Variants in KCNH8 observed in about 807,000 individuals in gnomAD.
The protein encoded by KCNH8 is potassium voltage-gated channel subfamily H member 8.
Under a neutral mutation model 103.6 loss-of-function variants are expected in KCNH8, and 70 were observed. The observed-to-expected ratio is 0.68, with a 90% CI of 0.56 to 0.82. The LOEUF (loss-of-function observed/expected upper bound fraction) is 0.82. Among genes scored for constraint, KCNH8 ranks in the 40% least tolerant of loss-of-function variants. The pLI, the probability that KCNH8 is intolerant of heterozygous loss-of-function variation, is 0.00. For missense variants in KCNH8, 1,217 were observed against 1,329.9 expected (o/e 0.92, Z 1.32); for synonymous variants, 498 against 489.4 (o/e 1.02, Z -0.23).
At chr3:19,350,853 G>T (rs2065791412) in intron 5 of KCNH8, among the ~76,000 whole-genome samples, 1 of 152,118 alleles carries the variant, frequency 6.6e-6, no homozygotes, top group African/African-American at 2.4e-5. Context: ...CTCCTTGCCA[G>T]CAACGGAACA....
intron 5 of KCNH8, 107 bp downstream of exon 5, chr3:19,348,072 A>T: frequency 1.1e-5 from 15 of 1,373,666 alleles, no homozygotes; most frequent in Non-Finnish European, 1.5e-5. Flanking sequence ...CATGGGCTTG[A>T]TTCAGCCTCT....
chr3:19,192,324 G>T (rs940364228), intron 1 of KCNH8, among the ~76,000 whole-genome samples: 1 of 151,456 alleles, frequency 6.6e-6, no homozygotes, highest in African/African-American at 2.4e-5. Flanking sequence ...CATTTTTTGA[G>T]GTAGCAAACA....
At chr3:19,419,862 C>T (rs1357191249) in intron 7 of KCNH8, among the ~76,000 whole-genome samples, 1 of 152,080 alleles carries the variant, frequency 6.6e-6, no homozygotes, top group East Asian at 1.9e-4. Context: ...ATTTAGCTTT[C>T]TGTAGCTTTC....
intron 5 of KCNH8, among the ~76,000 whole-genome samples, chr3:19,374,993 T>G (rs2066169067): frequency 6.6e-6 from 1 of 152,014 alleles, no homozygotes; most frequent in Non-Finnish European, 1.5e-5. Flanking sequence ...TCTGATGGGC[T>G]TCCCTTTGAG....
intron 3 of KCNH8, among the ~76,000 whole-genome samples, chr3:19,293,681 A>T (rs191128400): frequency 6.6e-6 from 1 of 152,222 alleles, no homozygotes; most frequent in Non-Finnish European, 1.5e-5. Flanking sequence ...TATAGCATGT[A>T]TGCCTATCTG....
intron 1 of KCNH8, among the ~76,000 whole-genome samples, chr3:19,183,312 A>G (rs1325590879): frequency 6.6e-6 from 1 of 152,214 alleles, no homozygotes; most frequent in Non-Finnish European, 1.5e-5. Context: ...ACAAAAAAAC[A>G]CACTAAAGAT....
chr3:19,533,386 T>C lies in KCNH8; in HGVS notation c.2620-9T>C. The C allele has an allele frequency of 6.3e-7, 1 of 1,591,704 alleles. No individual in the cohort carries two copies. The highest frequency in any genetic ancestry group is 8.6e-7 in the Non-Finnish European group (1 of 1,159,590). On this transcript the variant is annotated splice_polypyrimidine_tract_variant and intron_variant, in intron 15 of 15. Transcript: ENST00000328405. The stretch of plus-strand genomic sequence containing the variant: ...AACTATTGTCTTTCACTTTGCTCTA[T>C]CCACATAGGTAACAACATTGACTCA...
chr3:19,228,052 G>A (rs772391471), intron 1 of KCNH8, among the ~76,000 whole-genome samples: 2 of 152,050 alleles, frequency 1.3e-5, no homozygotes, highest in Non-Finnish European at 1.5e-5. Context: ...GTTCAGGATC[G>A]CATGACCACA....
chr3:19,194,408 C>T (rs1399970537), intron 1 of KCNH8, among the ~76,000 whole-genome samples: 2 of 151,664 alleles, frequency 1.3e-5, no homozygotes, highest in East Asian at 3.9e-4. Context: ...AATTATTTAT[C>T]CAATTTTTAA....
chr3:19,290,719 G>A (rs1474430625), intron 3 of KCNH8, among the ~76,000 whole-genome samples: 2 of 152,056 alleles, frequency 1.3e-5, no homozygotes, highest in Non-Finnish European at 2.9e-5. Context: ...TTTTTTGGTT[G>A]TTTCTCTGCC....
intron 3 of KCNH8, among the ~76,000 whole-genome samples, chr3:19,314,676 T>C (rs918500531): frequency 2.0e-5 from 3 of 152,036 alleles, no homozygotes; most frequent in African/African-American, 4.8e-5. Context: ...CAAATGCATG[T>C]GGCTATGTTC....
At chr3:19,516,972 A>G (rs1334814955) in intron 14 of KCNH8, among the ~76,000 whole-genome samples, 7 of 151,864 alleles carry the variant, frequency 4.6e-5, no homozygotes, top group East Asian at 1.9e-4. Context: ...ATTACTTTAT[A>G]TAAGTTATTT....
At chr3:19,209,843 G>T (rs1454199217) in intron 1 of KCNH8, among the ~76,000 whole-genome samples, 2 of 152,084 alleles carry the variant, frequency 1.3e-5, no homozygotes, top group South Asian at 2.1e-4. Context: ...TCCTGGGAGA[G>T]TTATAGGTAC....
At chr3:19,197,516 T>C (rs2063614032) in intron 1 of KCNH8, among the ~76,000 whole-genome samples, 1 of 152,070 alleles carries the variant, frequency 6.6e-6, no homozygotes, top group South Asian at 2.1e-4. Flanking sequence ...CTTTGGGGTA[T>C]GTAAGCATTT....
chr3:19,420,187 G>T (rs547842901), intron 7 of KCNH8, among the ~76,000 whole-genome samples: 2 of 152,122 alleles, frequency 1.3e-5, no homozygotes, highest in African/African-American at 4.8e-5. Flanking sequence ...TCATTGCTAC[G>T]GCTGCCACTG....
chr3:19,486,916 T>C (rs553197232), intron 11 of KCNH8, among the ~76,000 whole-genome samples: 17 of 152,296 alleles, frequency 1.1e-4, no homozygotes, highest in Admixed American at 5.9e-4. Context: ...CCAGGTAGCA[T>C]ACCTGCTGTC....
At chr3:19,424,687 TCTAA>T (rs2067001001) in intron 7 of KCNH8, among the ~76,000 whole-genome samples, 1 of 151,914 alleles carries the variant, frequency 6.6e-6, no homozygotes, top group Non-Finnish European at 1.5e-5. Context: ...GAAAACATTC[TCTAA>T]CTATGCATCT....
chr3:19,276,429 T>A (rs1237943305), intron 2 of KCNH8, among the ~76,000 whole-genome samples: 2 of 152,084 alleles, frequency 1.3e-5, no homozygotes, highest in African/African-American at 2.4e-5. Flanking sequence ...AAAGTAAAGA[T>A]GTTATGTATT....
chr3:19,530,541 A>G (rs1011698493), intron 15 of KCNH8, among the ~76,000 whole-genome samples: 4 of 152,186 alleles, frequency 2.6e-5, no homozygotes, highest in African/African-American at 7.2e-5. Context: ...GTCTATTAAC[A>G]TATCTGTTTC....
Sources: gnomAD v4.1 joint callset for allele counts (sites outside exome capture counted in the v4.1 genomes callset) on GRCh38, gnomAD v4.1.1 for gene constraint, MANE v1.5 for transcripts, NCBI Gene and HGNC (gene_info 2026-07-23, HGNC 2026-07-21) for gene names.